POU6F2: variants seen among roughly 807,000 people sequenced by gnomAD.
POU6F2 encodes the protein POU domain, class 6, transcription factor 2.
Under a neutral mutation model 71.3 loss-of-function variants are expected in POU6F2, and 31 were observed. That is an observed-to-expected ratio of 0.43 (90% CI 0.33 to 0.59). The LOEUF (loss-of-function observed/expected upper bound fraction) is 0.59. POU6F2 is among the 20% of genes least tolerant of loss of function. POU6F2 has a pLI of 0.04. For synonymous variants in POU6F2, 347 were observed against 355.7 expected, an observed-to-expected ratio of 0.98 and a Z score of 0.27; for missense variants, 783 against 856.8, an observed-to-expected ratio of 0.91 and a Z score of 1.07.
intron 2 of POU6F2, among the ~76,000 whole-genome samples, chr7:39,087,561 A>T (rs1049122124): frequency 6.6e-6 from 1 of 152,114 alleles, no homozygotes; most frequent in East Asian, 1.9e-4. Flanking sequence ...CTTTACTTCA[A>T]TTTTAGGAGG....
intron 4 of POU6F2, among the ~76,000 whole-genome samples, chr7:39,213,275 A>C (rs1384205525): frequency 6.6e-6 from 1 of 152,208 alleles, no homozygotes; most frequent in African/African-American, 2.4e-5. Context: ...TCTAGCAGGA[A>C]ACCTGCCCCG....
chr7:39,347,792 T>C lies in POU6F2; in HGVS notation c.972+7777T>C, dbSNP rs886508481. ...GACTACAGGCATGTACCATCACGCC[T>C]GGCTAATTTTTGTATTTTTTGTAGA... On this transcript the variant is annotated intron_variant, in intron 5 of 9. Transcript: ENST00000518318. Among the ~76,000 whole-genome samples, 3 of 136,310 alleles carry C rather than the reference T, an allele frequency of 2.2e-5. 1 individual carries two copies. Among genetic ancestry groups the C allele is most frequent in the Non-Finnish European group, 4.9e-5 (3 of 60,610 alleles). 89.4% of individuals were successfully genotyped at this position (136,310 alleles called of 152,430 possible).
At chr7:39,181,994 C>A (rs1372391616) in intron 2 of POU6F2, among the ~76,000 whole-genome samples, 3 of 152,160 alleles carry the variant, frequency 2.0e-5, no homozygotes, top group African/African-American at 7.2e-5. Flanking sequence ...ATTACAATCT[C>A]TACTCCTTAA....
intron 2 of POU6F2, among the ~76,000 whole-genome samples, chr7:39,130,946 C>A (rs1249569401): frequency 6.6e-6 from 1 of 152,208 alleles, no homozygotes; most frequent in Non-Finnish European, 1.5e-5. Flanking sequence ...CTGCGTCTCA[C>A]GGATGCAGGT....
chr7:39,442,949 T>G (rs1423078099), intron 7 of POU6F2, among the ~76,000 whole-genome samples: 1 of 152,180 alleles, frequency 6.6e-6, no homozygotes, highest in African/African-American at 2.4e-5. Context: ...TAGTACAGTT[T>G]TGATCCAGGA....
intron 6 of POU6F2, among the ~76,000 whole-genome samples, chr7:39,420,844 G>T (rs1349571816): frequency 6.6e-6 from 1 of 152,118 alleles, no homozygotes; most frequent in Non-Finnish European, 1.5e-5. Context: ...GATTAAAAAT[G>T]CCAAAATTCA....
intron 1 of POU6F2, among the ~76,000 whole-genome samples, chr7:39,062,171 C>T (rs747248850): frequency 2.0e-5 from 3 of 152,094 alleles, no homozygotes; most frequent in Non-Finnish European, 2.9e-5. Flanking sequence ...ATTTGGTCCA[C>T]CATTGTTTTG....
chr7:39,353,476 A>C (rs1786185143), intron 5 of POU6F2, among the ~76,000 whole-genome samples: 1 of 152,226 alleles, frequency 6.6e-6, no homozygotes, highest in Non-Finnish European at 1.5e-5. Context: ...GCGTTTGCTT[A>C]ATATATACGT....
At chr7:39,027,980 T>C (rs1036569633) in intron 1 of POU6F2, among the ~76,000 whole-genome samples, 12 of 152,230 alleles carry the variant, frequency 7.9e-5, no homozygotes, top group Admixed American at 7.2e-4. Context: ...GAATCTCCAT[T>C]GATCCATATA....
chr7:39,104,913 G>C (rs573788315), intron 2 of POU6F2, among the ~76,000 whole-genome samples: 2 of 152,202 alleles, frequency 1.3e-5, no homozygotes, highest in Non-Finnish European at 2.9e-5. Flanking sequence ...GATAATGTCT[G>C]CAACATTTAG....
chr7:39,367,541 GC>G (rs1170759005), intron 5 of POU6F2, among the ~76,000 whole-genome samples: 1 of 152,128 alleles, frequency 6.6e-6, no homozygotes, highest in Non-Finnish European at 1.5e-5. Context: ...AAAGCATTTT[GC>G]CCCCATCCCC....
chr7:39,097,986 A>T (rs1199592332), intron 2 of POU6F2, among the ~76,000 whole-genome samples: 2 of 152,212 alleles, frequency 1.3e-5, no homozygotes, highest in Admixed American at 1.3e-4. Flanking sequence ...AGAAGAAAGG[A>T]GTATTAAGCG....
intron 4 of POU6F2, among the ~76,000 whole-genome samples, chr7:39,329,941 A>G (rs1169149992): frequency 1.3e-5 from 2 of 152,246 alleles, no homozygotes; most frequent in African/African-American, 4.8e-5. Flanking sequence ...GTTATAATAT[A>G]AAATGTAGCC....
At chr7:38,989,746 T>G (rs1180602885) in intron 1 of POU6F2, among the ~76,000 whole-genome samples, 1 of 151,778 alleles carries the variant, frequency 6.6e-6, no homozygotes, top group Non-Finnish European at 1.5e-5. Flanking sequence ...TATATATATA[T>G]AGAAAGAGAG....
At chr7:39,305,543 G>A (rs1785032287) in intron 4 of POU6F2, among the ~76,000 whole-genome samples, 1 of 152,184 alleles carries the variant, frequency 6.6e-6, no homozygotes. Flanking sequence ...GTAGACAGAT[G>A]TGCAGCAAGT....
At chr7:39,314,431 G>A (rs1363173234) in intron 4 of POU6F2, among the ~76,000 whole-genome samples, 1 of 152,216 alleles carries the variant, frequency 6.6e-6, no homozygotes, top group Non-Finnish European at 1.5e-5. Flanking sequence ...AAGACCTTAT[G>A]TGAGTGAGCT....
intron 4 of POU6F2, among the ~76,000 whole-genome samples, chr7:39,276,420 G>T (rs571373840): frequency 6.0e-4 from 92 of 152,254 alleles, no homozygotes; most frequent in African/African-American, 2.1e-3. Context: ...TGGAGGGGAT[G>T]TGGAGAAATA....
rs1793113348 is a variant in POU6F2 at position 39,166,235 on chromosome 7, A to C, written c.278-38000A>C. Among the ~76,000 whole-genome samples the C allele has an allele frequency of 2.0e-5, 3 of 152,232 alleles. No individual in the cohort carries two copies. In the South Asian group the frequency reaches 6.2e-4, roughly 32 times the overall value. On this transcript the variant is annotated intron_variant, in intron 2 of 9. Transcript: ENST00000518318. Reference sequence around the variant, plus strand: ...TATCACTTTTAGGTCTGGTTTTTCAAACAAGGATTCCACAGACAGTGTGGA... The same window carrying C: ...TATCACTTTTAGGTCTGGTTTTTCACACAAGGATTCCACAGACAGTGTGGA...
chr7:39,211,017 C>T (rs1794133150), intron 4 of POU6F2, among the ~76,000 whole-genome samples: 1 of 152,124 alleles, frequency 6.6e-6, no homozygotes. Context: ...CTTCCTGGTT[C>T]ATAGATGTCT....
Sources: allele counts gnomAD v4.1 joint callset (sites outside exome capture counted in the v4.1 genomes callset), GRCh38; gene constraint gnomAD v4.1.1; transcripts MANE v1.5; gene names NCBI Gene and HGNC (gene_info 2026-07-23, HGNC 2026-07-21).